The following CCNY variants were observed in gnomAD, a reference collection of about 807,000 sequenced individuals.
The protein encoded by CCNY is cyclin Y, also known as cyclin-Y.
In CCNY, 19 loss-of-function variants were observed where a neutral mutation model predicts 42.8. That is an observed-to-expected ratio of 0.44 (90% CI 0.31 to 0.65). The LOEUF (loss-of-function observed/expected upper bound fraction) is 0.65. Ranked by LOEUF, CCNY falls within the 30% of genes least tolerant of loss-of-function variation. The pLI is 0.07. For missense variants in CCNY, 370 were observed against 437.3 expected, an observed-to-expected ratio of 0.85 and a Z score of 1.37; for synonymous variants, 165 against 162.7, an observed-to-expected ratio of 1.01 and a Z score of -0.11.
At chr10:35,276,668 G>A (rs1052343229) in intron 3 of CCNY, among the ~76,000 whole-genome samples, 26 of 152,186 alleles carry the variant, frequency 1.7e-4, no homozygotes, top group Non-Finnish European at 1.8e-4. Flanking sequence ...TTACAGGCAC[G>A]AGCCACTGTG....
At chr10:35,359,708 C>CA (rs1248007820) in intron 1 of CCNY, among the ~76,000 whole-genome samples, 1 of 152,132 alleles carries the variant, frequency 6.6e-6, no homozygotes, top group Non-Finnish European at 1.5e-5. Flanking sequence ...CCATTACCAC[C>CA]ATCCATCTCC....
At chr10:35,247,887 A>AG (rs1283594402) in intron 1 of CCNY, among the ~76,000 whole-genome samples, 1 of 150,322 alleles carries the variant, frequency 6.7e-6, no homozygotes, top group Non-Finnish European at 1.5e-5. Flanking sequence ...AAAAAAAAAA[A>AG]AAAAGAAAAG....
chr10:35,364,899 A>G (rs1375934187), intron 1 of CCNY, among the ~76,000 whole-genome samples: 1 of 152,130 alleles, frequency 6.6e-6, no homozygotes, highest in Non-Finnish European at 1.5e-5. Context: ...AAGTGTGGAA[A>G]TTTTCTGTTG....
chr10:35,373,519 C>T (rs1329584567), intron 1 of CCNY, among the ~76,000 whole-genome samples: 1 of 152,176 alleles, frequency 6.6e-6, no homozygotes, highest in African/African-American at 2.4e-5. Context: ...AGAGGAACGG[C>T]ATACCTCTTA....
intron 1 of CCNY, among the ~76,000 whole-genome samples, chr10:35,414,076 C>T (rs957943906): frequency 3.9e-5 from 6 of 152,276 alleles, no homozygotes; most frequent in Non-Finnish European, 8.8e-5. Context: ...CCTATTTTTT[C>T]CTGTGTTAGT....
chr10:35,529,697 T>G (rs1235844788), intron 5 of CCNY, among the ~76,000 whole-genome samples: 1 of 135,330 alleles, frequency 7.4e-6, no homozygotes, highest in Non-Finnish European at 1.5e-5. Context: ...ACCTTGTCTC[T>G]ACTAAAAATA....
chr10:35,255,566 G>A (rs1181301491), intron 3 of CCNY, among the ~76,000 whole-genome samples: 1 of 152,000 alleles, frequency 6.6e-6, no homozygotes, highest in East Asian at 1.9e-4. Flanking sequence ...CCAAAGTGCT[G>A]AGATTACAGG....
At chr10:35,481,146 C>T (rs994888731) in intron 1 of CCNY, among the ~76,000 whole-genome samples, 1 of 152,216 alleles carries the variant, frequency 6.6e-6, no homozygotes, top group Non-Finnish European at 1.5e-5. Flanking sequence ...TACGGTACAT[C>T]GGTTTCCGTG....
At chr10:35,462,034 C>T (rs1839168138) in intron 1 of CCNY, among the ~76,000 whole-genome samples, 1 of 152,088 alleles carries the variant, frequency 6.6e-6, no homozygotes, top group East Asian at 1.9e-4. Flanking sequence ...GGTGGCCACA[C>T]TCTAAGGCAC....
chr10:35,267,424 A>T (rs1331748005), intron 3 of CCNY, among the ~76,000 whole-genome samples: 1 of 152,112 alleles, frequency 6.6e-6, no homozygotes, highest in African/African-American at 2.4e-5. Flanking sequence ...ACATGCTCAA[A>T]CACTCTGGGG....
intron 1 of CCNY, among the ~76,000 whole-genome samples, chr10:35,479,499 C>T (rs1213020544): frequency 5.2e-5 from 7 of 135,598 alleles, no homozygotes; most frequent in South Asian, 2.4e-4. Context: ...AGTAAACTAT[C>T]GCAAGAACAA....
At chr10:35,362,379 G>A (rs1836704808) in intron 1 of CCNY, among the ~76,000 whole-genome samples, 3 of 152,158 alleles carry the variant, frequency 2.0e-5, no homozygotes, top group African/African-American at 7.2e-5. Flanking sequence ...TGGTTGGGTG[G>A]TTCTTGCAAA....
chr10:35,419,634 C>A (rs1256733276), intron 1 of CCNY, among the ~76,000 whole-genome samples: 1 of 151,448 alleles, frequency 6.6e-6, no homozygotes, highest in Non-Finnish European at 1.5e-5. Flanking sequence ...CAAAACTAAA[C>A]CCCATTAGAT....
intron 1 of CCNY, among the ~76,000 whole-genome samples, chr10:35,346,468 A>G (rs897294132): frequency 2.6e-5 from 4 of 152,210 alleles, no homozygotes; most frequent in African/African-American, 9.6e-5. Context: ...TTTTGCCTGT[A>G]AAGTCTCTTG....
At chr10:35,533,313 G>C (rs753544454) in intron 7 of CCNY, among the ~76,000 whole-genome samples, 4 of 151,860 alleles carry the variant, frequency 2.6e-5, no homozygotes, top group Non-Finnish European at 5.9e-5. Flanking sequence ...TTCTCACTTT[G>C]CACGCTCCTC....
intron 1 of CCNY, among the ~76,000 whole-genome samples, chr10:35,413,297 A>G (rs1837953944): frequency 6.6e-6 from 1 of 151,972 alleles, no homozygotes; most frequent in African/African-American, 2.4e-5. Context: ...TTTAAAGGGG[A>G]AGGAATGTGG....
At chr10:35,359,269 TG>T (rs1189568042) in intron 1 of CCNY, among the ~76,000 whole-genome samples, 1 of 152,176 alleles carries the variant, frequency 6.6e-6, no homozygotes, top group Admixed American at 6.5e-5. Context: ...AGGCTGTTCT[TG>T]GGGCCTGTTT....
chr10:35,499,712 GTC>G (rs1425229781), intron 2 of CCNY, among the ~76,000 whole-genome samples: 1 of 152,164 alleles, frequency 6.6e-6, no homozygotes, highest in African/African-American at 2.4e-5. Flanking sequence ...GGAGACTTGT[GTC>G]TCTTTTGCAC....
chr10:35,447,866 A>C (rs908108098), intron 1 of CCNY, among the ~76,000 whole-genome samples: 1 of 152,246 alleles, frequency 6.6e-6, no homozygotes, highest in Non-Finnish European at 1.5e-5. Context: ...AAGGCATAAC[A>C]GGCAGGAAAA....
Sources: gnomAD v4.1 joint callset for allele counts (sites outside exome capture counted in the v4.1 genomes callset) on GRCh38, gnomAD v4.1.1 for gene constraint, MANE v1.5 for transcripts, NCBI Gene and HGNC (gene_info 2026-07-23, HGNC 2026-07-21) for gene names.